Variants in SENP8 observed in about 807,000 individuals in gnomAD.
The protein encoded by SENP8 is SUMO peptidase family member, NEDD8 specific.
In SENP8, 10 loss-of-function variants were observed where a neutral mutation model predicts 14.4. That is an observed-to-expected ratio of 0.69 (90% confidence interval 0.43 to 1.18). The LOEUF is 1.18. Among genes scored for constraint, SENP8 ranks in the 50% most tolerant of loss-of-function variants. SENP8 has a pLI of 0.00. For missense variants in SENP8, 202 were observed against 249.4 expected (o/e 0.81, Z 1.28); for synonymous variants, 94 against 95.5 (o/e 0.98, Z 0.09).
chr15:72,126,676 T>C (rs543723760), intron 1 of SENP8, among the ~76,000 whole-genome samples: 1 of 152,266 alleles, frequency 6.6e-6, no homozygotes, highest in Admixed American at 6.5e-5. Flanking sequence ...AGCACTGCTA[T>C]GGGAACATAA....
chr15:72,118,236 G>A, upstream of SENP8: 1 of 335,284 alleles, frequency 3.0e-6, no homozygotes, highest in Non-Finnish European at 5.4e-6. Context: ...AGAGTACAGC[G>A]TGCGCTTGCG....
chr15:72,136,375 C>T (rs7178613), intron 1 of SENP8, among the ~76,000 whole-genome samples: 6,750 of 152,286 alleles, frequency 0.044, 266 homozygotes, highest in East Asian at 0.18. Flanking sequence ...CCACCCATAA[C>T]AAATGTGCTC....
At chr15:72,125,390 T>C (rs1301153763) in intron 1 of SENP8, among the ~76,000 whole-genome samples, 1 of 152,226 alleles carries the variant, frequency 6.6e-6, no homozygotes, top group Non-Finnish European at 1.5e-5. Flanking sequence ...TGATGTCCAG[T>C]GTCTTTTCAT....
At chr15:72,128,261 TA>T (rs1245662437) in intron 1 of SENP8, among the ~76,000 whole-genome samples, 1 of 152,222 alleles carries the variant, frequency 6.6e-6, no homozygotes, top group Non-Finnish European at 1.5e-5. Flanking sequence ...TTGGGACACA[TA>T]AGACACCAAT....
At position 72,135,765 on chromosome 15, in the gene SENP8, G is replaced by A. The variant is rs569882936; in HGVS notation, c.-47-3812G>A. 3.9e-5 allele frequency among the ~76,000 whole-genome samples: 6 copies of A among 152,292 alleles called. No homozygotes were observed. The South Asian group carries it at 1.2e-3, about 32-fold the overall frequency. ...CAGACAAAACACAAAAACTATTTCT[G>A]AAGAAAATCTTAGCCCAGCTTGTGG... On this transcript the variant is annotated intron_variant, in intron 1 of 1. Transcript: ENST00000340912.
At chr15:72,136,709 T>C (rs1457712555) in intron 1 of SENP8, among the ~76,000 whole-genome samples, 1 of 152,120 alleles carries the variant, frequency 6.6e-6, no homozygotes. Flanking sequence ...AAATAACTGG[T>C]CTAATGGTCA....
rs187663072 is a variant in SENP8, at chr15:72,133,349, A to C, written c.-47-6228A>C. On this transcript the variant is annotated intron_variant, in intron 1 of 1. Coordinates refer to ENST00000340912, the MANE Select transcript of SENP8 (RefSeq NM_145204.4). ...ACTGGAATTCAGTCTGTCACCACTT[A>C]GCTTCTAAGAATCCTCTAATATTTG... Among the ~76,000 whole-genome samples the C allele has an allele frequency of 3.5e-4, 54 of 152,362 alleles. No homozygotes were observed. The East Asian group carries it at 9.6e-3, about 27-fold the overall frequency.
chr15:72,116,087 G>A (rs2080963844), upstream of SENP8, among the ~76,000 whole-genome samples: 1 of 152,042 alleles, frequency 6.6e-6, no homozygotes, highest in South Asian at 2.1e-4. Context: ...TAAATGTGTA[G>A]GTTTATATAT....
rs1220637667 is a variant in SENP8 at position 72,140,100 on chromosome 15, C to G, written c.477C>G (p.Asn159Lys). 5.0e-6 allele frequency: 8 copies of G among 1,614,180 alleles called. No homozygotes were observed. The highest frequency in any genetic ancestry group is 4.5e-5 in the East Asian group (2 of 44,886). The part of the protein sequence containing the change: ...FVEEKAPAQQ[N>K]SYDCGMYVIC... ...AAGAGAAAGCCCCTGCCCAACAAAA[C>G]AGCTATGACTGTGGGATGTACGTGA... Residue 159 changes from asparagine (N) to lysine (K), a missense_variant, in exon 2 of 2, where the codon AAC becomes AAG. Asn to Lys is a moderately conservative substitution (Grantham distance 94). Transcript: ENST00000340912.
intron 1 of SENP8, chr15:72,135,509 G>A (rs1363271207): frequency 1.3e-5 from 2 of 151,998 alleles, no homozygotes; most frequent in African/African-American, 2.4e-5. Flanking sequence ...AGGAAATTTA[G>A]TAATTTATTT....
Position 72,139,926 on chromosome 15 carries a change from C to G in SENP8, c.303C>G (p.Thr101=), listed in dbSNP as rs200032071. ...NDNSNQAAGG[T]HWSLLVYLQD... ...ACTCCAACCAGGCAGCTGGAGGAACCCACTGGAGTTTATTGGTCTACCTCC... is the reference window on the plus strand; with the variant it reads ...ACTCCAACCAGGCAGCTGGAGGAACGCACTGGAGTTTATTGGTCTACCTCC... Residue 101 remains threonine, a synonymous_variant, in exon 2 of 2, where the codon ACC becomes ACG. Transcript: ENST00000340912. 1 of 1,614,096 alleles carries G rather than the reference C, an allele frequency of 6.2e-7. No individual in the cohort carries two copies. The highest frequency in any genetic ancestry group is 1.7e-5 in the Admixed American group (1 of 60,020).
chr15:72,142,312 G>T lies in SENP8; in HGVS notation c.*2050G>T, dbSNP rs2081385861. 1.3e-5 allele frequency: 2 copies of T among 152,148 alleles called. No homozygotes were observed. Among genetic ancestry groups the T allele is most frequent in the African/African-American group, 4.8e-5 (2 of 41,428 alleles). The allele number at this position is 152,148 out of a possible 1,614,324, so 9.4% of individuals were successfully genotyped here. ...AATGTTAGCATTATAAATTGCAGGA[G>T]AATTTAAGAATTGACTTGTATTTCA... On this transcript the variant is annotated 3_prime_UTR_variant, in exon 2 of 2. Transcript: ENST00000340912.
At chr15:72,139,472 A>G in intron 1 of SENP8, 105 bp from the exon 2 acceptor site, 4 of 1,127,320 alleles carry the variant, frequency 3.5e-6, no homozygotes, top group South Asian at 1.5e-5. Context: ...CACCTTGTCC[A>G]AGGGTCAACT....
chr15:72,126,227 G>C (rs745499263), intron 1 of SENP8, among the ~76,000 whole-genome samples: 3 of 152,000 alleles, frequency 2.0e-5, no homozygotes, highest in Non-Finnish European at 4.4e-5. Context: ...TTAAATTTTA[G>C]TTAATTAAAA....
upstream of SENP8, among the ~76,000 whole-genome samples, chr15:72,117,435 G>A (rs931363056): frequency 6.6e-6 from 1 of 152,094 alleles, no homozygotes; most frequent in African/African-American, 2.4e-5. Flanking sequence ...GGGTTGGGGG[G>A]ACCGTGACAG....
chr15:72,125,755 A>G (rs1197042776), intron 1 of SENP8, among the ~76,000 whole-genome samples: 1 of 152,054 alleles, frequency 6.6e-6, no homozygotes, highest in East Asian at 1.9e-4. Flanking sequence ...GTGTGTGTGC[A>G]TTAGGAGTTA....
chr15:72,126,237 A>G (rs2081217835), intron 1 of SENP8, among the ~76,000 whole-genome samples: 1 of 152,178 alleles, frequency 6.6e-6, no homozygotes, highest in Admixed American at 6.5e-5. Context: ...GTTAATTAAA[A>G]TTACTCAGTT....
At chr15:72,136,715 G>A (rs2081330995) in intron 1 of SENP8, among the ~76,000 whole-genome samples, 2 of 152,032 alleles carry the variant, frequency 1.3e-5, no homozygotes, top group Non-Finnish European at 2.9e-5. Flanking sequence ...CTGGTCTAAT[G>A]GTCAGAATTG....
chr15:72,130,805 C>T lies in SENP8; in HGVS notation c.-47-8772C>T, dbSNP rs1006310030. Among the ~76,000 whole-genome samples, 7 of 152,168 alleles carry T rather than the reference C, an allele frequency of 4.6e-5. No homozygotes were observed. In the South Asian group the frequency reaches 8.3e-4, roughly 18 times the overall value. ...CTCGAACTCCCGACCTCAGGTGATC[C>T]GCCTGCCTCAGCCTCCCAAAGTGCT... On this transcript the variant is annotated intron_variant, in intron 1 of 1. Transcript: ENST00000340912.
Sources: allele counts gnomAD v4.1 joint callset (sites outside exome capture counted in the v4.1 genomes callset), GRCh38; gene constraint gnomAD v4.1.1; transcripts MANE v1.5; gene names NCBI Gene and HGNC (gene_info 2026-07-23, HGNC 2026-07-21).